SLC38A9: variants seen among roughly 807,000 people sequenced by gnomAD.
SLC38A9 encodes the protein neutral amino acid transporter 9.
A neutral mutation model predicts 62.3 loss-of-function variants in SLC38A9; 48 were observed. The ratio of observed to expected loss-of-function variants is 0.77; its 90% CI spans 0.61 to 0.98. The LOEUF is 0.98. Ranked by LOEUF, SLC38A9 falls within the 50% of genes least tolerant of loss-of-function variation. SLC38A9 has a pLI of 0.00. For missense variants in SLC38A9, 541 were observed against 679.8 expected, an observed-to-expected ratio of 0.80 and a Z score of 2.27; for synonymous variants, 204 against 227.7, an observed-to-expected ratio of 0.90 and a Z score of 0.94.
At chr5:55,642,096 A>G (rs531996376) in intron 12 of SLC38A9, among the ~76,000 whole-genome samples, 19 of 152,264 alleles carry the variant, frequency 1.2e-4, no homozygotes, top group Admixed American at 3.9e-4. Flanking sequence ...CCCAGGCTGG[A>G]GTGCAGTGGC....
intron 10 of SLC38A9, among the ~76,000 whole-genome samples, chr5:55,651,080 C>T (rs1747320925): frequency 6.6e-6 from 1 of 151,908 alleles, no homozygotes; most frequent in Non-Finnish European, 1.5e-5. Flanking sequence ...CGTGAGCCAC[C>T]GCACCCAGCC....
chr5:55,638,340 A>G (rs1011517109), intron 12 of SLC38A9, among the ~76,000 whole-genome samples: 1 of 152,258 alleles, frequency 6.6e-6, no homozygotes, highest in Non-Finnish European at 1.5e-5. Flanking sequence ...TTAATGGAAC[A>G]GGATAGAAAA....
intron 3 of SLC38A9, among the ~76,000 whole-genome samples, chr5:55,691,569 G>C (rs879862544): frequency 6.6e-6 from 1 of 152,216 alleles, no homozygotes; most frequent in Non-Finnish European, 1.5e-5. Flanking sequence ...CCAGGGCATA[G>C]TCCGAGAATA....
intron 7 of SLC38A9, chr5:55,669,004 G>A (rs1750877809): frequency 6.4e-6 from 2 of 314,398 alleles, no homozygotes; most frequent in Admixed American, 4.8e-5. Context: ...TAGCACCAAA[G>A]TGAATGCACT....
Position 55,626,345 on chromosome 5 carries a change from A to G in SLC38A9, c.*149T>C. On this transcript the variant is annotated 3_prime_UTR_variant, in exon 16 of 16. Coordinates refer to ENST00000396865, the MANE Select transcript of SLC38A9 (RefSeq NM_173514.4). Reference sequence around the variant, plus strand: ...TCCCCACCCCAATAAAAAAATACTCATTAAGGGGCCACTATTTCCCTTGCT... The same window carrying G: ...TCCCCACCCCAATAAAAAAATACTCGTTAAGGGGCCACTATTTCCCTTGCT... 1.4e-6 allele frequency: 1 copy of G among 699,704 alleles called. No individual in the cohort carries two copies. Among genetic ancestry groups the G allele is most frequent in the Non-Finnish European group, 2.3e-6 (1 of 434,118 alleles). 43.3% of individuals were successfully genotyped at this position (699,704 alleles called of 1,614,324 possible).
At chr5:55,684,634 T>TTTG (rs1302131646) in intron 3 of SLC38A9, among the ~76,000 whole-genome samples, 1 of 152,072 alleles carries the variant, frequency 6.6e-6, no homozygotes, top group African/African-American at 2.4e-5. Flanking sequence ...GACTCTGGTT[T>TTTG]TTGTTGTTGT....
Position 55,645,842 on chromosome 5 carries a change from T to C in SLC38A9, c.1114A>G (p.Ile372Val), listed in dbSNP as rs758806117. Residue 372 changes from isoleucine (I) to valine (V), a missense_variant, in exon 12 of 16, where the codon ATT becomes GTT. By Grantham distance (29) the Ile-to-Val change is conservative. Coordinates refer to ENST00000396865, the MANE Select transcript of SLC38A9 (RefSeq NM_173514.4). ...LTGVLTLAFF[I>V]HNCIITLLKN... ...AAGAGTGTGATGATACAATTATGAATAAAAAAAGCAAGGGTAAGCACTCCA... is the reference window on the plus strand; with the variant it reads ...AAGAGTGTGATGATACAATTATGAACAAAAAAAGCAAGGGTAAGCACTCCA... The C allele has an allele frequency of 6.2e-7, 1 of 1,611,976 alleles. No individual in the cohort carries two copies. The highest frequency in any genetic ancestry group is 8.5e-7 in the Non-Finnish European group (1 of 1,179,290).
intron 3 of SLC38A9, chr5:55,696,215 G>C (rs1487338020): frequency 2.9e-5 from 1 of 35,008 alleles, no homozygotes; most frequent in African/African-American, 7.6e-5. Context: ...TGGCTGGGCA[G>C]AGGGGCTCCT....
chr5:55,669,488 CT>C, intron 6 of SLC38A9, 68 bp downstream of exon 6: 1 of 1,424,296 alleles, frequency 7.0e-7, no homozygotes, highest in Non-Finnish European at 9.7e-7. Context: ...ATTAAAACCT[CT>C]GTTATAAAAC....
intron 3 of SLC38A9, among the ~76,000 whole-genome samples, chr5:55,677,750 C>A (rs1752318565): frequency 6.6e-6 from 1 of 151,038 alleles, no homozygotes; most frequent in East Asian, 1.9e-4. Context: ...GTTATGTTGC[C>A]CAGGCTGATC....
At chr5:55,649,394 AG>A in intron 10 of SLC38A9, 80 bp from the exon 11 acceptor site, 1 of 844,472 alleles carries the variant, frequency 1.2e-6, no homozygotes, top group Non-Finnish European at 1.8e-6. Context: ...TTGTTTCCAT[AG>A]TCTCAGCAAA....
At chr5:55,631,709 C>T (rs1743481038) in intron 14 of SLC38A9, among the ~76,000 whole-genome samples, 1 of 152,194 alleles carries the variant, frequency 6.6e-6, no homozygotes, top group Non-Finnish European at 1.5e-5. Context: ...AAGCAGACTA[C>T]ATCAGTTCAT....
chr5:55,665,027 A>G (rs1750234189), intron 7 of SLC38A9, 164 bp from the exon 8 acceptor site: 1 of 373,872 alleles, frequency 2.7e-6, no homozygotes, highest in African/African-American at 2.1e-5. Context: ...AACATTATAG[A>G]AAAATAAAAG....
intron 15 of SLC38A9, 73 bp from the exon 16 acceptor site, chr5:55,626,732 C>A: frequency 1.5e-6 from 2 of 1,337,656 alleles, no homozygotes; most frequent in Admixed American, 2.4e-5. Flanking sequence ...AAACATAGTA[C>A]AATTTAAATC....
intron 2 of SLC38A9, among the ~76,000 whole-genome samples, chr5:55,698,946 A>AACAG (rs1390859031): frequency 1.3e-5 from 2 of 151,600 alleles, no homozygotes; most frequent in East Asian, 3.9e-4. Flanking sequence ...TCTCAAATCA[A>AACAG]ACAAAAAACA....
chr5:55,626,351 G>T lies in SLC38A9; in HGVS notation c.*143C>A. The T allele has an allele frequency of 4.3e-6, 3 of 705,690 alleles. No homozygotes were observed. The highest frequency in any genetic ancestry group is 2.4e-5 in the South Asian group (1 of 40,864). 43.7% of individuals were successfully genotyped at this position (705,690 alleles called of 1,614,324 possible). ...CCCCAATAAAAAAATACTCATTAAG[G>T]GGCCACTATTTCCCTTGCTTTCAAA... On this transcript the variant is annotated 3_prime_UTR_variant, in exon 16 of 16. Transcript: ENST00000396865.
Position 55,652,710 on chromosome 5 carries a change from A to G in SLC38A9, c.771T>C (p.Ser257=), listed in dbSNP as rs148952293. The change falls in exon 10 of 16, where the codon AGT becomes AGC. Residue 257 remains serine (S), a synonymous_variant. Coordinates refer to ENST00000396865, the MANE Select transcript of SLC38A9 (RefSeq NM_173514.4). ...TGTCAGGATGGCCTCCACTCCCGGC[A>G]CTTGGACAAATCACTGCAATAGGAA... ...TNNSNPVICP[S]AGSGGHPDNS... 5.5e-3 allele frequency: 8,886 copies of G among 1,611,782 alleles called. 39 individuals are homozygous for G. The highest frequency in any genetic ancestry group is 5.6e-3 in the Non-Finnish European group (6,649 of 1,178,814).
chr5:55,643,086 G>A (rs1205146140), intron 12 of SLC38A9, among the ~76,000 whole-genome samples: 1 of 152,172 alleles, frequency 6.6e-6, no homozygotes, highest in Non-Finnish European at 1.5e-5. Context: ...CACAAAATCT[G>A]CAGACAAGCC....
At position 55,669,898 on chromosome 5, in the gene SLC38A9, A is replaced by G. The variant is rs372224062; in HGVS notation, c.247-19T>C. On this transcript the variant is annotated intron_variant, in intron 4 of 15. Coordinates refer to ENST00000396865, the MANE Select transcript of SLC38A9 (RefSeq NM_173514.4). Reference sequence around the variant, plus strand: ...GGGCAATCTGGTAAAAAGGAAACATAGATAAATTTCAGAACCAGGAAATGC... The same window carrying G: ...GGGCAATCTGGTAAAAAGGAAACATGGATAAATTTCAGAACCAGGAAATGC... 1.3e-6 allele frequency: 2 copies of G among 1,573,892 alleles called. No homozygotes were observed. Among genetic ancestry groups the G allele is most frequent in the Non-Finnish European group, 1.7e-6 (2 of 1,163,554 alleles).
Sources: gnomAD v4.1 joint callset for allele counts (sites outside exome capture counted in the v4.1 genomes callset) on GRCh38, gnomAD v4.1.1 for gene constraint, MANE v1.5 for transcripts, NCBI Gene and HGNC (gene_info 2026-07-23, HGNC 2026-07-21) for gene names.